HECTD4: variants seen among roughly 807,000 people sequenced by gnomAD.
HECTD4 encodes HECT domain E3 ubiquitin protein ligase 4.
In HECTD4, 114 loss-of-function variants were observed where a neutral mutation model predicts 471.5. The observed-to-expected ratio is 0.24, with a 90% confidence interval of 0.21 to 0.28. The LOEUF is 0.28. Ranked by LOEUF, HECTD4 falls within the 10% of genes least tolerant of loss-of-function variation. The pLI, the probability that HECTD4 is intolerant of heterozygous loss-of-function variation, is 1.00. For missense variants in HECTD4, 3,866 were observed against 5,651.5 expected (o/e 0.68, Z 10.13); for synonymous variants, 2,012 against 2,256.0 (o/e 0.89, Z 3.07).
intron 70 of HECTD4, 67 bp from the exon 71 acceptor site, chr12:112,167,984 T>G: frequency 1.6e-6 from 2 of 1,232,122 alleles, no homozygotes; most frequent in Non-Finnish European, 2.4e-6. Context: ...GTTCCCTCCC[T>G]CTCACCTGCT....
At chr12:112,371,959 G>A (rs546341143) in intron 1 of HECTD4, among the ~76,000 whole-genome samples, 3 of 148,794 alleles carry the variant, frequency 2.0e-5, no homozygotes, top group South Asian at 2.1e-4. Flanking sequence ...AACAAAAAAC[G>A]ATTCCACTAC....
At chr12:112,185,743 T>C (rs544734672) in intron 60 of HECTD4, among the ~76,000 whole-genome samples, 8 of 152,346 alleles carry the variant, frequency 5.3e-5, no homozygotes, top group African/African-American at 1.9e-4. Flanking sequence ...CTTTGACCCT[T>C]GTGCCCAATG....
intron 7 of HECTD4, among the ~76,000 whole-genome samples, chr12:112,303,107 A>AC (rs1300332799): frequency 6.6e-6 from 1 of 150,864 alleles, no homozygotes; most frequent in African/African-American, 2.4e-5. Context: ...TTCCTAGATG[A>AC]CCCCAACATC....
intron 1 of HECTD4, among the ~76,000 whole-genome samples, chr12:112,364,626 G>A (rs1411290590): frequency 1.3e-5 from 2 of 152,034 alleles, no homozygotes; most frequent in African/African-American, 4.8e-5. Context: ...CTACTCTAGA[G>A]GCTGAGGCAC....
At chr12:112,360,157 TA>T (rs377612998) in intron 1 of HECTD4, among the ~76,000 whole-genome samples, 36 of 152,174 alleles carry the variant, frequency 2.4e-4, no homozygotes, top group African/African-American at 8.7e-4. Context: ...TTTAAACACA[TA>T]AAAGTAGCAA....
chr12:112,182,431 A>G (rs1264818950), intron 62 of HECTD4, among the ~76,000 whole-genome samples: 1 of 152,150 alleles, frequency 6.6e-6, no homozygotes, highest in Admixed American at 6.5e-5. Flanking sequence ...TTGCTCCACA[A>G]AAGAGCCACC....
At position 112,188,364 on chromosome 12, in the gene HECTD4, G is replaced by A. The variant is rs149463237; in HGVS notation, c.9472+2422C>T. On this transcript the variant is annotated intron_variant, in intron 60 of 75. Coordinates refer to ENST00000682272, the MANE Select transcript of HECTD4 (RefSeq NM_001388303.1). The surrounding 1 kb of genome is among the most constrained non-coding windows in gnomAD (Gnocchi z 4.2). ...ACATGGAAACAATCATATAATGGTGGCATGATAATGACTGAAGTTTGGGAA... is the reference window on the plus strand; with the variant it reads ...ACATGGAAACAATCATATAATGGTGACATGATAATGACTGAAGTTTGGGAA... Among the ~76,000 whole-genome samples the A allele has an allele frequency of 3.9e-5, 6 of 152,304 alleles. No individual in the cohort carries two copies. In the East Asian group the frequency reaches 1.2e-3, roughly 29 times the overall value.
rs762458481 is a variant in HECTD4, at chr12:112,194,955, A to T, written c.8679T>A (p.Pro2893=). 4 of 1,610,936 alleles carry T rather than the reference A, an allele frequency of 2.5e-6. No individual in the cohort carries two copies. The South Asian group carries it at 4.4e-5, about 18-fold the overall frequency. The change falls in exon 56 of 76, where the codon CCT becomes CCA. Residue 2893 remains proline, a synonymous_variant. Coordinates refer to ENST00000682272, the MANE Select transcript of HECTD4 (RefSeq NM_001388303.1). This position sits in a 1 kb window ranked among gnomAD's most constrained non-coding sequence, Gnocchi z 4.6. ...GCTCCAGGGTAATGTCCCGGATGGCAGGGATGTGGAAGAGGCGAGTGAACA... is the reference window on the plus strand; with the variant it reads ...GCTCCAGGGTAATGTCCCGGATGGCTGGGATGTGGAAGAGGCGAGTGAACA... ...PHLFTRLFHI[P]AIRDITLEHL...
Position 112,381,834 on chromosome 12 carries a change from C to A in HECTD4, c.177+118G>T, listed in dbSNP as rs1318364849. ...CCTGCCCGCCCCGCGCCCACACACACCTGCCCCGGCAGCCGCCGGGAGGCG... is the reference window on the plus strand; with the variant it reads ...CCTGCCCGCCCCGCGCCCACACACAACTGCCCCGGCAGCCGCCGGGAGGCG... On this transcript the variant is annotated intron_variant, in intron 1 of 75. Transcript: ENST00000682272. The surrounding 1 kb of genome is among the most constrained non-coding windows in gnomAD (Gnocchi z 4.1). The A allele has an allele frequency of 1.5e-6, 1 of 678,162 alleles. No homozygotes were observed. The highest frequency in any genetic ancestry group is 2.0e-6 in the Non-Finnish European group (1 of 491,952). The allele number at this position is 678,162 out of a possible 1,614,324, so 42.0% of individuals were successfully genotyped here. A position where few individuals can be genotyped will look rare whatever the true frequency, so the allele number is the denominator to read the frequency against.
In HECTD4 at chr12:112,212,471, C is replaced by T. The variant is rs1333525719; in HGVS notation, c.7629+16G>A. 6.3e-7 allele frequency: 1 copy of T among 1,598,492 alleles called. No individual in the cohort carries two copies. The highest frequency in any genetic ancestry group is 1.1e-5 in the South Asian group (1 of 89,422). On this transcript the variant is annotated intron_variant, in intron 49 of 75. Transcript: ENST00000682272. ...TGAAGGAGAATTTGTTTTCCTTTCCCAACAAGGTAACCTGCCTTTTTCTGA... is the reference window on the plus strand; with the variant it reads ...TGAAGGAGAATTTGTTTTCCTTTCCTAACAAGGTAACCTGCCTTTTTCTGA...
chr12:112,283,426 T>A, intron 7 of HECTD4, 124 bp from the exon 8 acceptor site: 1 of 686,152 alleles, frequency 1.5e-6, no homozygotes, highest in Non-Finnish European at 2.4e-6. Context: ...AGTAGATGTA[T>A]ACCTTAAAAC....
intron 11 of HECTD4, among the ~76,000 whole-genome samples, chr12:112,272,070 C>CA (rs2034425275): frequency 6.6e-6 from 1 of 151,734 alleles, no homozygotes; most frequent in Non-Finnish European, 1.5e-5. Flanking sequence ...GACAGAGTTT[C>CA]AAAAAAGTTA....
intron 58 of HECTD4, 80 bp from the exon 59 acceptor site, chr12:112,192,845 G>C: frequency 7.6e-7 from 1 of 1,310,668 alleles, no homozygotes; most frequent in African/African-American, 1.5e-5. Context: ...TTCTCACCAG[G>C]GGACGTTAGA....
intron 29 of HECTD4, among the ~76,000 whole-genome samples, chr12:112,244,745 A>G (rs2033720743): frequency 6.6e-6 from 1 of 152,130 alleles, no homozygotes; most frequent in Non-Finnish European, 1.5e-5. Flanking sequence ...AACCCCAGAT[A>G]TATTTAACTG....
chr12:112,167,946 C>CCCAGGTGCCCA, intron 70 of HECTD4, 29 bp from the exon 71 acceptor site: 2 of 1,575,618 alleles, frequency 1.3e-6, no homozygotes, highest in Non-Finnish European at 1.7e-6. Flanking sequence ...ACATGGGCAC[C>CCCAGGTGCCCA]TGGGGTGTCC....
intron 1 of HECTD4, among the ~76,000 whole-genome samples, chr12:112,330,778 C>T (rs1410105559): frequency 1.3e-5 from 2 of 152,212 alleles, no homozygotes; most frequent in Non-Finnish European, 2.9e-5. Context: ...TTCCACTGTA[C>T]ATCTGAGTAA....
In HECTD4 at chr12:112,319,866, A is replaced by C; in HGVS notation, c.178-124T>G. The C allele has an allele frequency of 1.5e-6, 1 of 660,962 alleles. No individual in the cohort carries two copies. Among genetic ancestry groups the C allele is most frequent in the Non-Finnish European group, 2.1e-6 (1 of 465,570 alleles). The allele number at this position is 660,962 out of a possible 1,614,324, so 40.9% of individuals were successfully genotyped here. The stretch of plus-strand genomic sequence containing the variant: ...CAAAAATTATTTTAATTACAATCAA[A>C]TGGAAAACGTATACTGTAAAGCCAG... On this transcript the variant is annotated intron_variant, in intron 1 of 75. Transcript: ENST00000682272. The surrounding 1 kb of genome is among the most constrained non-coding windows in gnomAD (Gnocchi z 5.3).
Position 112,208,650 on chromosome 12 carries a change from C to A in HECTD4, c.7868-20G>T. On this transcript the variant is annotated intron_variant, in intron 50 of 75. Transcript: ENST00000682272. ...CATATTCTGTAACAGAGCACAAGGA[C>A]AGCGAATTCTAAACAAGAGCAGGCT... 8 of 1,527,594 alleles carry A rather than the reference C, an allele frequency of 5.2e-6. No individual in the cohort carries two copies. The highest frequency in any genetic ancestry group is 7.0e-6 in the Non-Finnish European group (8 of 1,140,826). 94.6% of individuals were successfully genotyped at this position (1,527,594 alleles called of 1,614,324 possible).
intron 50 of HECTD4, 146 bp from the exon 51 acceptor site, chr12:112,208,776 T>C (rs1262191205): frequency 1.8e-6 from 1 of 560,954 alleles, no homozygotes; most frequent in African/African-American, 1.9e-5. Context: ...TCACAGAGTC[T>C]AGGAATAACT....
Sources: gnomAD v4.1 joint callset for allele counts (sites outside exome capture counted in the v4.1 genomes callset) on GRCh38, gnomAD v4.1.1 for gene constraint, Gnocchi (gnomAD v3.1) non-coding constraint, MANE v1.5 for transcripts, NCBI Gene and HGNC (gene_info 2026-07-23, HGNC 2026-07-21) for gene names.